The following NUMA1 variants were observed in gnomAD, a reference collection of about 807,000 sequenced individuals.
NUMA1 encodes nuclear mitotic apparatus protein 1, also known as SP-H antigen.
In NUMA1, 62 loss-of-function variants were observed where a neutral mutation model predicts 237.1. That is an observed-to-expected ratio of 0.26 (90% CI 0.21 to 0.32). The LOEUF (loss-of-function observed/expected upper bound fraction) is 0.32. Ranked by LOEUF, NUMA1 falls within the 10% of genes least tolerant of loss-of-function variation. The probability of loss-of-function intolerance (pLI) is 1.00; values close to 1 mark genes in which losing one functional copy is unlikely to be tolerated. For synonymous variants in NUMA1, 1,028 were observed against 1,066.1 expected (o/e 0.96, Z 0.70); for missense variants, 2,533 against 2,666.5 (o/e 0.95, Z 1.10).
Position 72,019,584 on chromosome 11 carries a change from G to A in NUMA1, c.494C>T (p.Pro165Leu). ...PVPSTCSSTFPEELSPPSHQA... is the reference protein window; with the variant it reads ...PVPSTCSSTFLEELSPPSHQA... ...GTGGCTAGGTGGGGAGAGCTCTTCAGGGAATGTGCTAGAACAGGTAGAAGG... is the reference window on the plus strand; with the variant it reads ...GTGGCTAGGTGGGGAGAGCTCTTCAAGGAATGTGCTAGAACAGGTAGAAGG... Residue 165 changes from proline (P) to leucine (L), a missense_variant, in exon 9 of 27, where the codon CCT (proline) becomes CTT (leucine). Around this residue, in one of 3 missense-constraint regions of NUMA1, gnomAD observed 1,414 missense variants for 1,508.1 expected, o/e 0.94. Transcript: ENST00000393695. 6.2e-7 allele frequency: 1 copy of A among 1,613,944 alleles called. No homozygotes were observed. Among genetic ancestry groups the A allele is most frequent in the South Asian group, 1.1e-5 (1 of 91,060 alleles).
chr11:72,046,741 T>G (rs1942022895), intron 2 of NUMA1, among the ~76,000 whole-genome samples: 1 of 151,886 alleles, frequency 6.6e-6, no homozygotes, highest in African/African-American at 2.4e-5. Flanking sequence ...GGGCAGATTG[T>G]TTGAGCTCAA....
chr11:72,007,590 T>C, intron 20 of NUMA1, 155 bp from the exon 21 acceptor site: 3 of 917,486 alleles, frequency 3.3e-6, no homozygotes, highest in Non-Finnish European at 5.0e-6. Flanking sequence ...GGAAAGCACT[T>C]GACCTGGGCC....
At chr11:72,046,017 C>A (rs566442266) in intron 2 of NUMA1, among the ~76,000 whole-genome samples, 26 of 152,328 alleles carry the variant, frequency 1.7e-4, no homozygotes, top group Non-Finnish European at 3.2e-4. Flanking sequence ...AGAGGCTGAA[C>A]CTTCCCCTAG....
intron 4 of NUMA1, chr11:72,024,683 C>A: frequency 3.2e-6 from 1 of 317,300 alleles, no homozygotes; most frequent in Admixed American, 4.5e-5. Flanking sequence ...CTATATTACA[C>A]CATCTGGAAT....
In NUMA1 at chr11:72,016,233, T is replaced by C. The variant is rs1392456797; in HGVS notation, c.1270A>G (p.Thr424Ala). The C allele has an allele frequency of 1.9e-6, 3 of 1,598,664 alleles. No homozygotes were observed. Among genetic ancestry groups the C allele is most frequent in the Admixed American group, 1.7e-5 (1 of 59,642 alleles). The change falls in exon 15 of 27, where the codon ACT becomes GCT. Residue 424 changes from threonine (T) to alanine (A), a missense_variant. Physicochemically the swap from Thr to Ala is moderately conservative, Grantham distance 58. Transcript: ENST00000393695. ...QLETLKQEAA[T>A]LAANNTQLQA... ...AGCTGTGTGTTGTTTGCAGCAAGAG[T>C]GGCTGCCTCTTGCTTCAAGGTTTCC...
chr11:72,007,596 G>C (rs1955829698), intron 20 of NUMA1, 161 bp from the exon 21 acceptor site: 1 of 878,766 alleles, frequency 1.1e-6, no homozygotes, highest in Non-Finnish European at 1.8e-6. Flanking sequence ...CACTTGACCT[G>C]GGCCTTCCTT....
chr11:72,014,184 C>G lies in NUMA1; in HGVS notation c.3319G>C (p.Ala1107Pro). ...KEKEHASGSGAQSEAAGRTEP... is the reference protein window; with the variant it reads ...KEKEHASGSGPQSEAAGRTEP... ...GTCCTGCCAGCAGCCTCAGATTGGG[C>G]TCCTGAGCCAGATGCGTGCTCCTTT... Residue 1107 changes from alanine (A) to proline (P), a missense_variant, in exon 15 of 27, where the codon GCC becomes CCC. By Grantham distance (27) the Ala-to-Pro change is conservative. Coordinates refer to ENST00000393695, the MANE Select transcript of NUMA1 (RefSeq NM_006185.4). This position sits in a 1 kb window ranked among gnomAD's most constrained non-coding sequence, Gnocchi z 4.6. 1.2e-6 allele frequency: 2 copies of G among 1,613,914 alleles called. No homozygotes were observed. Among genetic ancestry groups the G allele is most frequent in the Non-Finnish European group, 1.7e-6 (2 of 1,180,040 alleles).
intron 2 of NUMA1, chr11:72,041,929 G>GT (rs1400118326): frequency 6.6e-6 from 1 of 152,378 alleles, no homozygotes; most frequent in African/African-American, 2.4e-5. Flanking sequence ...GGCCTGCGCT[G>GT]TCCTGTGCTG....
chr11:72,015,873 G>C lies in NUMA1; in HGVS notation c.1630C>G (p.Gln544Glu). Residue 544 changes from glutamine (Q) to glutamate (E), a missense_variant, in exon 15 of 27, where the codon CAG becomes GAG. Coordinates refer to ENST00000393695, the MANE Select transcript of NUMA1 (RefSeq NM_006185.4). The surrounding 1 kb of genome is among the most constrained non-coding windows in gnomAD (Gnocchi z 4.0). ...TGGTGGCGGAGGCCCTGGGAGGCCT[G>C]TTCTTGCTGTTGGAGGGTCTGTGCT... Reference protein sequence around the residue: ...QLAQTLQQQEQASQGLRHQVE... With the variant: ...QLAQTLQQQEEASQGLRHQVE... 6.2e-7 allele frequency: 1 copy of C among 1,614,174 alleles called. No homozygotes were observed. The highest frequency in any genetic ancestry group is 8.5e-7 in the Non-Finnish European group (1 of 1,180,040).
At position 72,006,267 on chromosome 11, in the gene NUMA1, G is replaced by A. The variant is rs1955686170; in HGVS notation, c.5464-4C>T. On this transcript the variant is annotated splice_polypyrimidine_tract_variant and splice_region_variant and intron_variant, in intron 21 of 26. Transcript: ENST00000393695. ...CTGGCTCTTCCACATCTAGCTTCTG[G>A]AAGACAGAGTGAATCTGTTGCAGTG... 6.2e-7 allele frequency: 1 copy of A among 1,613,402 alleles called. No individual in the cohort carries two copies. Among genetic ancestry groups the A allele is most frequent in the Non-Finnish European group, 8.5e-7 (1 of 1,179,420 alleles).
chr11:72,045,463 A>G (rs1036194632), intron 2 of NUMA1, among the ~76,000 whole-genome samples: 1 of 152,156 alleles, frequency 6.6e-6, no homozygotes. Flanking sequence ...AGTGGCAAAC[A>G]TAATTGTTTG....
At chr11:72,018,603 G>A (rs1938258251) in intron 10 of NUMA1, 90 bp from the exon 11 acceptor site, 2 of 1,209,004 alleles carry the variant, frequency 1.7e-6, no homozygotes, top group Admixed American at 3.7e-5. Context: ...CAAGGGGAAG[G>A]GAGGAGACGG....
At chr11:72,016,576 C>T in intron 13 of NUMA1, 46 bp from the exon 14 acceptor site, 15 of 1,598,834 alleles carry the variant, frequency 9.4e-6, no homozygotes, top group Non-Finnish European at 1.3e-5. Flanking sequence ...GGAACAGGCA[C>T]CAGATTACCA....
At chr11:72,040,675 C>T (rs1281170819) in intron 2 of NUMA1, 1 of 152,220 alleles carries the variant, frequency 6.6e-6, no homozygotes, top group Admixed American at 6.5e-5. Context: ...CAGGCAAACA[C>T]GCTTTCCTTC....
chr11:72,044,307 C>T (rs1050993118), intron 2 of NUMA1, among the ~76,000 whole-genome samples: 1 of 152,242 alleles, frequency 6.6e-6, no homozygotes, highest in East Asian at 1.9e-4. Flanking sequence ...TATAAGGTGT[C>T]CAACACACTG....
At chr11:72,010,044 C>A (rs76073901) in intron 17 of NUMA1, among the ~76,000 whole-genome samples, 1 of 152,200 alleles carries the variant, frequency 6.6e-6, no homozygotes, top group Non-Finnish European at 1.5e-5. Flanking sequence ...AAGCATCCCC[C>A]CTTTGCCTCT....
At position 72,014,733 on chromosome 11, in the gene NUMA1, G is replaced by T; in HGVS notation, c.2770C>A (p.Arg924Ser). Residue 924 changes from arginine to serine, a missense_variant, in exon 15 of 27, where the codon CGC becomes AGC. Arg to Ser is a moderately radical substitution (Grantham distance 110). This residue lies in a region of NUMA1 where 1,414 missense variants were observed against 1,508.1 expected (regional missense o/e 0.94). Transcript: ENST00000393695. The surrounding 1 kb of genome is among the most constrained non-coding windows in gnomAD (Gnocchi z 4.6). ...KEVARLETLV[R>S]KAGEQQETAS... ...GTTTCCTGCTGCTCACCTGCCTTGCGCACCAAGGTCTCCAAGCGGGCCACC... is the reference window on the plus strand; with the variant it reads ...GTTTCCTGCTGCTCACCTGCCTTGCTCACCAAGGTCTCCAAGCGGGCCACC... 1.2e-6 allele frequency: 2 copies of T among 1,614,040 alleles called. No individual in the cohort carries two copies. The highest frequency in any genetic ancestry group is 1.7e-6 in the Non-Finnish European group (2 of 1,180,038).
In NUMA1 at chr11:72,013,783, C is replaced by A; in HGVS notation, c.3720G>T (p.Gln1240His). 1 of 1,610,186 alleles carries A rather than the reference C, an allele frequency of 6.2e-7. No individual in the cohort carries two copies. The highest frequency in any genetic ancestry group is 2.2e-5 in the East Asian group (1 of 44,878). Reference sequence around the variant, plus strand: ...TGCTCTCCCCCTCCTTCTCCAGGACCTGGCGATTCAGGATGGACACCTCCT... The same window carrying A: ...TGCTCTCCCCCTCCTTCTCCAGGACATGGCGATTCAGGATGGACACCTCCT... ...LEEEVSILNR[Q>H]VLEKEGESKE... The change falls in exon 15 of 27, where the codon CAG becomes CAT. Residue 1240 changes from glutamine (Q) to histidine (H), a missense_variant. Physicochemically the swap from Gln to His is conservative, Grantham distance 24. This residue lies in a region of NUMA1 where 324 missense variants were observed against 407.6 expected (regional missense o/e 0.79). Transcript: ENST00000393695. This position sits in a 1 kb window ranked among gnomAD's most constrained non-coding sequence, Gnocchi z 6.8.
At chr11:72,048,453 C>A (rs1246592107) in intron 2 of NUMA1, among the ~76,000 whole-genome samples, 1 of 152,150 alleles carries the variant, frequency 6.6e-6, no homozygotes, top group Non-Finnish European at 1.5e-5. Context: ...CTCACTGCAA[C>A]CTCCACCTGC....
Sources: allele counts gnomAD v4.1 joint callset (sites outside exome capture counted in the v4.1 genomes callset), GRCh38; gene constraint gnomAD v4.1.1; regional missense constraint gnomAD v4.1.1; non-coding constraint Gnocchi (gnomAD v3.1); transcripts MANE v1.5; gene names NCBI Gene and HGNC (gene_info 2026-07-23, HGNC 2026-07-21).